Variants in COMMD1 observed in about 807,000 individuals in gnomAD.
COMMD1 encodes COMM domain-containing protein 1.
In COMMD1, 10 loss-of-function variants were observed where a neutral mutation model predicts 17.2. The observed-to-expected ratio is 0.58, with a 90% confidence interval of 0.36 to 0.99. The LOEUF (loss-of-function observed/expected upper bound fraction) is 0.99, where lower values mean the gene tolerates loss of function less well. Ranked by LOEUF, COMMD1 falls within the 50% of genes least tolerant of loss-of-function variation. The probability of loss-of-function intolerance (pLI) is 0.01; values close to 1 mark genes in which losing one functional copy is unlikely to be tolerated. For missense variants in COMMD1, 270 were observed against 231.8 expected (o/e 1.17, Z -1.07); for synonymous variants, 97 against 91.6 (o/e 1.06, Z -0.34).
intron 1 of COMMD1, among the ~76,000 whole-genome samples, chr2:61,953,122 G>A (rs1671100900): frequency 6.6e-6 from 1 of 151,872 alleles, no homozygotes; most frequent in Non-Finnish European, 1.5e-5. Flanking sequence ...TGATTCTCCT[G>A]CCTCAGCCTC....
chr2:62,072,258 G>A (rs993840838), intron 2 of COMMD1, among the ~76,000 whole-genome samples: 2 of 152,064 alleles, frequency 1.3e-5, no homozygotes, highest in African/African-American at 4.8e-5. Flanking sequence ...TGAAAACCAA[G>A]CTGCCAGTTC....
intron 1 of COMMD1, among the ~76,000 whole-genome samples, chr2:61,913,405 T>G: frequency 7.4e-6 from 1 of 135,064 alleles, no homozygotes; most frequent in African/African-American, 2.8e-5. Flanking sequence ...TGGCCGGGCA[T>G]GGTGGCTCAT....
At chr2:62,021,067 T>C (rs1669600820) in intron 2 of COMMD1, among the ~76,000 whole-genome samples, 1 of 152,172 alleles carries the variant, frequency 6.6e-6, no homozygotes, top group Admixed American at 6.6e-5. Context: ...TTAAAATCTT[T>C]AGGAGGCCTT....
At chr2:62,131,237 G>C (rs144225806) in intron 2 of COMMD1, among the ~76,000 whole-genome samples, 5 of 152,276 alleles carry the variant, frequency 3.3e-5, no homozygotes, top group Non-Finnish European at 7.3e-5. Context: ...TACTCCCCAG[G>C]ATCACAAAGT....
At chr2:61,995,098 A>T (rs1021669577) in intron 1 of COMMD1, among the ~76,000 whole-genome samples, 12 of 151,808 alleles carry the variant, frequency 7.9e-5, no homozygotes, top group African/African-American at 1.9e-4. Flanking sequence ...TCAGCTTAAA[A>T]TTTTTTTTTC....
rs1670686867 is a variant in COMMD1 at position 61,939,518 on chromosome 2, A to T, written c.180+33660A>T. 2.0e-5 allele frequency among the ~76,000 whole-genome samples: 3 copies of T among 152,042 alleles called. 1 individual carries two copies. Among genetic ancestry groups the T allele is most frequent in the Admixed American group, 2.0e-4 (3 of 15,252 alleles). ...TGATTGGCTATGTAGGCTCCTTTCA[A>T]GTTGGCTTTGCTGGAACTTTACCTA... On this transcript the variant is annotated intron_variant, in intron 1 of 2. Coordinates refer to ENST00000311832, the MANE Select transcript of COMMD1 (RefSeq NM_152516.4).
rs1232640852 is a variant in COMMD1, at chr2:62,016,277, C to T, written c.462+15295C>T. 5.0e-5 allele frequency among the ~76,000 whole-genome samples: 7 copies of T among 139,962 alleles called. No homozygotes were observed. The South Asian group carries it at 1.4e-3, about 28-fold the overall frequency. 91.8% of individuals were successfully genotyped at this position (139,962 alleles called of 152,430 possible). On this transcript the variant is annotated intron_variant, in intron 2 of 2. Transcript: ENST00000311832. ...AAGCTGGAGTGCAGTGGCACAATCT[C>T]GGCTCACTGCAACCTCTGCCTCCCA...
Position 62,016,213 on chromosome 2 carries a change from T to C in COMMD1, c.462+15231T>C, listed in dbSNP as rs201939485. On this transcript the variant is annotated intron_variant, in intron 2 of 2. Coordinates refer to ENST00000311832, the MANE Select transcript of COMMD1 (RefSeq NM_152516.4). ...TCTTTTTTCTTTTCTTTTCTTTTTT[T>C]TTTTTTTTTTTTCGAGACAGGGTCT... Among the ~76,000 whole-genome samples the C allele has an allele frequency of 1.6e-4, 23 of 145,016 alleles. No individual in the cohort carries two copies. The East Asian group carries it at 4.3e-3, about 27-fold the overall frequency.
intron 1 of COMMD1, among the ~76,000 whole-genome samples, chr2:61,942,114 A>G (rs529232684): frequency 6.6e-6 from 1 of 152,156 alleles, no homozygotes; most frequent in South Asian, 2.1e-4. Context: ...GTGTTTGTTT[A>G]TTTATTTTTG....
chr2:61,997,630 C>T (rs995529333), intron 1 of COMMD1, among the ~76,000 whole-genome samples: 8 of 152,166 alleles, frequency 5.3e-5, no homozygotes, highest in African/African-American at 1.9e-4. Flanking sequence ...GCAGGCCATG[C>T]TGTAAACAGA....
chr2:62,121,472 C>T (rs1479795442), intron 2 of COMMD1, among the ~76,000 whole-genome samples: 1 of 150,158 alleles, frequency 6.7e-6, no homozygotes, highest in Non-Finnish European at 1.5e-5. Flanking sequence ...GGCGTGTTGC[C>T]TCATACCTGT....
At position 62,102,477 on chromosome 2, in the gene COMMD1, A is replaced by G. The variant is rs536542422; in HGVS notation, c.463-33354A>G. On this transcript the variant is annotated intron_variant, in intron 2 of 2. Coordinates refer to ENST00000311832, the MANE Select transcript of COMMD1 (RefSeq NM_152516.4). ...GGACTGTCTGAATTAAACCTTTTCT[A>G]TTATATCTTTGACCTTTTACTTCAA... Among the ~76,000 whole-genome samples, 16 of 152,238 alleles carry G rather than the reference A, an allele frequency of 1.1e-4. No homozygotes were observed. The East Asian group carries it at 3.1e-3, about 29-fold the overall frequency.
At chr2:61,939,814 G>A (rs1190294054) in intron 1 of COMMD1, among the ~76,000 whole-genome samples, 1 of 152,158 alleles carries the variant, frequency 6.6e-6, no homozygotes, top group Non-Finnish European at 1.5e-5. Flanking sequence ...CCTCAGAACT[G>A]CCATTCACAA....
chr2:62,118,016 C>T (rs181847306), intron 2 of COMMD1, among the ~76,000 whole-genome samples: 40 of 152,182 alleles, frequency 2.6e-4, no homozygotes, highest in Admixed American at 2.5e-3. Flanking sequence ...TTGTAAAGGA[C>T]GGAACTTTTA....
At chr2:61,937,590 A>G (rs1558527677) in intron 1 of COMMD1, among the ~76,000 whole-genome samples, 1 of 152,194 alleles carries the variant, frequency 6.6e-6, no homozygotes, top group Non-Finnish European at 1.5e-5. Flanking sequence ...TTGTTTTTTA[A>G]GTAGAAGATG....
intron 2 of COMMD1, among the ~76,000 whole-genome samples, chr2:62,010,639 A>G (rs1669251563): frequency 6.6e-6 from 1 of 151,998 alleles, no homozygotes; most frequent in African/African-American, 2.4e-5. Flanking sequence ...ATTTTTTCTC[A>G]TCTCAGTTAG....
chr2:61,910,912 C>T (rs893884963), intron 1 of COMMD1, among the ~76,000 whole-genome samples: 5 of 151,674 alleles, frequency 3.3e-5, no homozygotes, highest in Admixed American at 2.6e-4. Flanking sequence ...GGAGAAACCC[C>T]GTCTCTACTA....
At chr2:62,072,514 G>A (rs754164427) in intron 2 of COMMD1, among the ~76,000 whole-genome samples, 4 of 152,088 alleles carry the variant, frequency 2.6e-5, no homozygotes, top group African/African-American at 4.8e-5. Context: ...CTAACCCTCC[G>A]GTTGTCCACA....
At chr2:61,983,430 T>G (rs1418211882) in intron 1 of COMMD1, among the ~76,000 whole-genome samples, 1 of 152,162 alleles carries the variant, frequency 6.6e-6, no homozygotes, top group Admixed American at 6.5e-5. Flanking sequence ...GACCTCGTGA[T>G]CCGACCGCCT....
Sources: gnomAD v4.1 joint callset for allele counts (sites outside exome capture counted in the v4.1 genomes callset) on GRCh38, gnomAD v4.1.1 for gene constraint, MANE v1.5 for transcripts, NCBI Gene and HGNC (gene_info 2026-07-23, HGNC 2026-07-21) for gene names.